THSD7A: variants seen among roughly 807,000 people sequenced by gnomAD.
The protein encoded by THSD7A is thrombospondin type 1 domain containing 7A.
THSD7A carries 96 observed loss-of-function variants against 231.3 expected under a neutral mutation model. The observed-to-expected ratio is 0.41, with a 90% CI of 0.35 to 0.49. THSD7A has a LOEUF of 0.49. Ranked by LOEUF, THSD7A falls within the 20% of genes least tolerant of loss-of-function variation. The probability of loss-of-function intolerance (pLI) is 0.05; values close to 1 mark genes in which losing one functional copy is unlikely to be tolerated. For missense variants in THSD7A, 2,290 were observed against 2,070.2 expected, an observed-to-expected ratio of 1.11 and a Z score of -2.06; for synonymous variants, 940 against 743.3, an observed-to-expected ratio of 1.26 and a Z score of -4.30.
At chr7:11,731,643 T>C (rs1484689276) in intron 1 of THSD7A, among the ~76,000 whole-genome samples, 2 of 151,536 alleles carry the variant, frequency 1.3e-5, no homozygotes, top group South Asian at 4.1e-4. Context: ...AATTGCCTGA[T>C]CTAAATAAAT....
chr7:11,526,063 T>A (rs1424839414), intron 6 of THSD7A, among the ~76,000 whole-genome samples: 1 of 152,190 alleles, frequency 6.6e-6, no homozygotes, highest in Non-Finnish European at 1.5e-5. Context: ...TGGTTGGAGT[T>A]CTACGTTAAA....
rs34415355 is a variant in THSD7A, at chr7:11,459,665, ATTTTTTTTTTTTTTTTTTTTT to A, written c.2605+976_2605+996del. 4.3e-4 allele frequency among the ~76,000 whole-genome samples: 17 copies of A among 39,920 alleles called. No homozygotes were observed. The South Asian group carries it at 5.6e-3, about 13-fold the overall frequency. The allele number at this position is 39,920 out of a possible 152,430, so 26.2% of individuals were successfully genotyped here. On this transcript the variant is annotated intron_variant, in intron 11 of 27. Coordinates refer to ENST00000423059, the MANE Select transcript of THSD7A (RefSeq NM_015204.3). Reference sequence around the variant, plus strand: ...AAAAGGAAGATTATAAAAACAGGGGATTTTTTTTTTTTTTTTTTTTTTTTTTTTTTTTTTTTACAAAACAGA... The same window carrying A: ...AAAAGGAAGATTATAAAAACAGGGGATTTTTTTTTTTTTTTACAAAACAGA...
At chr7:11,396,196 A>G (rs1249946296) in intron 23 of THSD7A, among the ~76,000 whole-genome samples, 1 of 152,230 alleles carries the variant, frequency 6.6e-6, no homozygotes, top group Non-Finnish European at 1.5e-5. Flanking sequence ...AGAAAGCAGG[A>G]AAGATCTAAA....
chr7:11,830,999 T>C (rs750884556), intron 1 of THSD7A, among the ~76,000 whole-genome samples: 1 of 151,928 alleles, frequency 6.6e-6, no homozygotes, highest in Non-Finnish European at 1.5e-5. Context: ...AGAAAAGGGG[T>C]TGGTAATTCC....
At chr7:11,510,243 A>C (rs1787747852) in intron 6 of THSD7A, among the ~76,000 whole-genome samples, 1 of 152,210 alleles carries the variant, frequency 6.6e-6, no homozygotes, top group Admixed American at 6.5e-5. Flanking sequence ...GAATCCCTGA[A>C]TAGACCAACA....
At chr7:11,729,304 C>T (rs1781648435) in intron 1 of THSD7A, among the ~76,000 whole-genome samples, 1 of 151,716 alleles carries the variant, frequency 6.6e-6, no homozygotes, top group Admixed American at 6.6e-5. Context: ...TCGTGTATGA[C>T]ACTTAACAAA....
chr7:11,723,403 A>G (rs1353934037), intron 1 of THSD7A, among the ~76,000 whole-genome samples: 1 of 151,796 alleles, frequency 6.6e-6, no homozygotes, highest in East Asian at 2.0e-4. Flanking sequence ...TGCAGCACAC[A>G]AATATGGCAC....
At chr7:11,538,823 C>A (rs920782299) in intron 6 of THSD7A, among the ~76,000 whole-genome samples, 6 of 152,084 alleles carry the variant, frequency 3.9e-5, no homozygotes, top group Non-Finnish European at 8.8e-5. Flanking sequence ...CTCCCCAAGC[C>A]TCCTCCTTAG....
In THSD7A at chr7:11,511,063, T is replaced by C. The variant is rs200428056; in HGVS notation, c.1823-29081A>G. The stretch of plus-strand genomic sequence containing the variant: ...CGTCTCAGCCCAAAATCTCCTTAAG[T>C]TGATAAGCAACTTCAGCAAAGTCTC... On this transcript the variant is annotated intron_variant, in intron 6 of 27. Transcript: ENST00000423059. Among the ~76,000 whole-genome samples the C allele has an allele frequency of 5.3e-5, 8 of 152,092 alleles. No individual in the cohort carries two copies. In the South Asian group the frequency reaches 6.2e-4, roughly 12 times the overall value.
intron 6 of THSD7A, among the ~76,000 whole-genome samples, chr7:11,489,928 T>C (rs1205063949): frequency 6.6e-6 from 1 of 152,080 alleles, no homozygotes; most frequent in Non-Finnish European, 1.5e-5. Flanking sequence ...TTTTTAAATA[T>C]CTTTAAGAAA....
chr7:11,800,855 A>C (rs1406092762), intron 1 of THSD7A, among the ~76,000 whole-genome samples: 2 of 152,192 alleles, frequency 1.3e-5, no homozygotes, highest in African/African-American at 4.8e-5. Flanking sequence ...CACGTTAATA[A>C]AAGAGGATAG....
intron 6 of THSD7A, among the ~76,000 whole-genome samples, chr7:11,541,030 AC>A (rs1465920517): frequency 1.3e-5 from 2 of 152,074 alleles, no homozygotes; most frequent in East Asian, 1.9e-4. Flanking sequence ...AATGCTTACA[AC>A]CCTTTTTTGT....
chr7:11,406,845 T>G lies in THSD7A; in HGVS notation c.4062+65A>C. The G allele has an allele frequency of 6.5e-7, 1 of 1,549,536 alleles. No individual in the cohort carries two copies. Among genetic ancestry groups the G allele is most frequent in the Non-Finnish European group, 8.8e-7 (1 of 1,142,278 alleles). ...ATTTCTAACACATTATTTTTATGTT[T>G]TTCTGCAGATGAAGTCTCTGCAGAT... On this transcript the variant is annotated intron_variant, in intron 21 of 27. Coordinates refer to ENST00000423059, the MANE Select transcript of THSD7A (RefSeq NM_015204.3). This position sits in a 1 kb window ranked among gnomAD's most constrained non-coding sequence, Gnocchi z 4.7.
At chr7:11,677,742 A>G (rs1192315099) in intron 1 of THSD7A, among the ~76,000 whole-genome samples, 10 of 151,972 alleles carry the variant, frequency 6.6e-5, no homozygotes, top group Non-Finnish European at 4.4e-5. Context: ...ACACAATAAT[A>G]GTGGGAGACT....
rs112682721 is a variant in THSD7A, at chr7:11,712,941, A to T, written c.191-75980T>A. Among the ~76,000 whole-genome samples, 1,097 of 151,222 alleles carry T rather than the reference A, an allele frequency of 7.3e-3. 12 individuals carry two copies. The highest frequency in any genetic ancestry group is 0.024 in the African/African-American group (994 of 41,404). On this transcript the variant is annotated intron_variant, in intron 1 of 27. Coordinates refer to ENST00000423059, the MANE Select transcript of THSD7A (RefSeq NM_015204.3). ...TAAGTATCTTCCAATTAAACATTCT[A>T]AGCCTAGGAATAAGCATCAAATTTC...
chr7:11,826,230 A>C lies in THSD7A; in HGVS notation c.190+5527T>G, dbSNP rs1011779508. Among the ~76,000 whole-genome samples the C allele has an allele frequency of 9.2e-5, 14 of 152,304 alleles. 1 individual carries two copies. In the East Asian group the frequency reaches 2.7e-3, roughly 29 times the overall value. ...GTGTTTAATGTGAGTATTCTCCTTG[A>C]GAGAAAATGCATACCTGTAAATACT... On this transcript the variant is annotated intron_variant, in intron 1 of 27. Coordinates refer to ENST00000423059, the MANE Select transcript of THSD7A (RefSeq NM_015204.3).
At chr7:11,453,472 T>G (rs942463899) in intron 11 of THSD7A, among the ~76,000 whole-genome samples, 1 of 151,994 alleles carries the variant, frequency 6.6e-6, no homozygotes, top group Non-Finnish European at 1.5e-5. Context: ...GATTCAAGAA[T>G]GCATCCAAAT....
At chr7:11,613,660 G>C (rs1781009953) in intron 2 of THSD7A, among the ~76,000 whole-genome samples, 2 of 152,316 alleles carry the variant, frequency 1.3e-5, no homozygotes, top group African/African-American at 4.8e-5. Flanking sequence ...AAGTTAACTG[G>C]ATACAATCAC....
Position 11,773,546 on chromosome 7 carries a change from A to G in THSD7A, c.190+58211T>C, listed in dbSNP as rs370660883. ...AGACTCCATCTCAAAAAAGAAAAAA[A>G]GAATAATACAATTAGGACAAACATT... On this transcript the variant is annotated intron_variant, in intron 1 of 27. Transcript: ENST00000423059. Among the ~76,000 whole-genome samples the G allele has an allele frequency of 1.7e-3, 266 of 152,328 alleles. 2 individuals are homozygous for G. The highest frequency in any genetic ancestry group is 6.0e-3 in the African/African-American group (251 of 41,580).
Sources: allele counts gnomAD v4.1 joint callset (sites outside exome capture counted in the v4.1 genomes callset), GRCh38; gene constraint gnomAD v4.1.1; non-coding constraint Gnocchi (gnomAD v3.1); transcripts MANE v1.5; gene names NCBI Gene and HGNC (gene_info 2026-07-23, HGNC 2026-07-21).